Variants in NECAB1 observed in about 807,000 individuals in gnomAD.
NECAB1 encodes the protein N-terminal EF-hand calcium-binding protein 1.
A neutral mutation model predicts 57.5 loss-of-function variants in NECAB1; 29 were observed. The observed-to-expected ratio is 0.50, with a 90% CI of 0.38 to 0.69. The LOEUF is 0.69. Ranked by LOEUF, NECAB1 falls within the 30% of genes least tolerant of loss-of-function variation. The pLI is 0.00. For missense variants in NECAB1, 372 were observed against 413.8 expected (o/e 0.90, Z 0.88); for synonymous variants, 142 against 147.7 (o/e 0.96, Z 0.28).
intron 3 of NECAB1, among the ~76,000 whole-genome samples, chr8:90,826,767 G>A (rs1194543221): frequency 6.6e-6 from 1 of 151,590 alleles, no homozygotes; most frequent in African/African-American, 2.4e-5. Flanking sequence ...AATAGATCTT[G>A]TTAGCCTGTT....
At chr8:90,924,444 A>G (rs760872637) in intron 6 of NECAB1, among the ~76,000 whole-genome samples, 6 of 152,188 alleles carry the variant, frequency 3.9e-5, no homozygotes, top group African/African-American at 1.4e-4. Context: ...TAGCTGATAG[A>G]TAATGAAAAT....
At chr8:90,872,102 T>A in intron 3 of NECAB1, 26 bp from the exon 4 acceptor site, 3 of 1,523,768 alleles carry the variant, frequency 2.0e-6, no homozygotes, top group Non-Finnish European at 2.7e-6. Context: ...GTAATAACAC[T>A]GTTTTTTTTT....
At position 90,842,104 on chromosome 8, in the gene NECAB1, G is replaced by A. The variant is rs186585852; in HGVS notation, c.233+17279G>A. Among the ~76,000 whole-genome samples, 216 of 152,266 alleles carry A rather than the reference G, an allele frequency of 1.4e-3. 1 individual carries two copies. Among genetic ancestry groups the A allele is most frequent in the African/African-American group, 5.1e-3 (211 of 41,542 alleles). On this transcript the variant is annotated intron_variant, in intron 3 of 12. Transcript: ENST00000417640. ...TGGATGCTGGGCTTAATGCCTGGGT[G>A]ATGGGATAATTGGTGCAGTAAACCA...
intron 4 of NECAB1, among the ~76,000 whole-genome samples, chr8:90,879,037 ATTT>A (rs1563514660): frequency 1.4e-5 from 2 of 141,564 alleles, no homozygotes; most frequent in Non-Finnish European, 3.0e-5. Context: ...TATATTTATT[ATTT>A]ATTATTTATA....
chr8:90,913,974 T>C (rs1809890867), intron 5 of NECAB1, among the ~76,000 whole-genome samples: 1 of 152,184 alleles, frequency 6.6e-6, no homozygotes. Context: ...CGGGTGGTAA[T>C]GTCTACAACC....
At position 90,797,905 on chromosome 8, in the gene NECAB1, G is replaced by A. The variant is rs563448134; in HGVS notation, c.100-3786G>A. The stretch of plus-strand genomic sequence containing the variant: ...CTGAAAACTACTTTCCTGGGTGTTG[G>A]TTCTTTCCAGGTTATATATTGTATT... On this transcript the variant is annotated intron_variant, in intron 1 of 12. Coordinates refer to ENST00000417640, the MANE Select transcript of NECAB1 (RefSeq NM_022351.5). Among the ~76,000 whole-genome samples the A allele has an allele frequency of 5.9e-5, 9 of 152,262 alleles. No individual in the cohort carries two copies. The East Asian group carries it at 1.5e-3, about 26-fold the overall frequency.
At chr8:90,855,310 C>G (rs899907572) in intron 3 of NECAB1, among the ~76,000 whole-genome samples, 11 of 152,146 alleles carry the variant, frequency 7.2e-5, no homozygotes, top group Non-Finnish European at 1.6e-4. Flanking sequence ...TAAGGAATAG[C>G]CTTTCTGGGA....
intron 8 of NECAB1, among the ~76,000 whole-genome samples, chr8:90,933,565 G>C (rs1174707524): frequency 7.2e-5 from 11 of 151,988 alleles, no homozygotes; most frequent in Admixed American, 7.2e-4. Context: ...GTAGACTTTG[G>C]GGACTCAGGA....
At chr8:90,907,149 TGTGAGAGAGA>T (rs1239413144) in intron 5 of NECAB1, among the ~76,000 whole-genome samples, 4 of 107,192 alleles carry the variant, frequency 3.7e-5, no homozygotes, top group Admixed American at 1.0e-4. Flanking sequence ...TGTGTGTGTG[TGTGAGAGAGA>T]GAGAGAGAGA....
chr8:90,801,751 C>G (rs1427590123), intron 2 of NECAB1, 36 bp downstream of exon 2: 8 of 1,359,710 alleles, frequency 5.9e-6, no homozygotes, highest in African/African-American at 1.5e-5. Context: ...ATTTATTAAT[C>G]TCTTACATTT....
chr8:90,888,267 T>C (rs772091829), intron 5 of NECAB1, among the ~76,000 whole-genome samples: 1 of 152,210 alleles, frequency 6.6e-6, no homozygotes, highest in Non-Finnish European at 1.5e-5. Context: ...CACTGTTCTA[T>C]TTAAAAAGAA....
chr8:90,957,039 T>C lies in NECAB1; in HGVS notation c.*1527T>C, dbSNP rs1811045820. 1 of 151,346 alleles carries C rather than the reference T, an allele frequency of 6.6e-6. No homozygotes were observed. The highest frequency in any genetic ancestry group is 2.1e-4 in the South Asian group (1 of 4,800). 9.4% of individuals were successfully genotyped at this position (151,346 alleles called of 1,614,324 possible). A position where few individuals can be genotyped will look rare whatever the true frequency, so the allele number is the denominator to read the frequency against. On this transcript the variant is annotated 3_prime_UTR_variant, in exon 13 of 13. Transcript: ENST00000417640. ...ATGACAGACACTGTGTAACAACACCTGGGTCAACTCTTTTAATTTATATAC... is the reference window on the plus strand; with the variant it reads ...ATGACAGACACTGTGTAACAACACCCGGGTCAACTCTTTTAATTTATATAC...
At chr8:90,808,935 G>A (rs560010891) in intron 2 of NECAB1, among the ~76,000 whole-genome samples, 1 of 152,070 alleles carries the variant, frequency 6.6e-6, no homozygotes, top group Non-Finnish European at 1.5e-5. Context: ...GTGAGCCACC[G>A]CGCCCGGCCT....
intron 3 of NECAB1, among the ~76,000 whole-genome samples, chr8:90,825,728 A>C (rs1053734856): frequency 2.6e-5 from 4 of 151,908 alleles, no homozygotes; most frequent in African/African-American, 9.7e-5. Context: ...AATTCACTTT[A>C]CTCAAGCTGT....
At chr8:90,863,094 AC>A (rs1456447950) in intron 3 of NECAB1, among the ~76,000 whole-genome samples, 7 of 152,060 alleles carry the variant, frequency 4.6e-5, no homozygotes, top group African/African-American at 1.4e-4. Flanking sequence ...AAAACCCAAT[AC>A]TGATTTGAAA....
chr8:90,917,886 GTA>G (rs777688836), intron 6 of NECAB1, among the ~76,000 whole-genome samples: 1 of 91,038 alleles, frequency 1.1e-5, no homozygotes, highest in African/African-American at 4.1e-5. Flanking sequence ...GTGTGTGCGT[GTA>G]TATATATGTC....
chr8:90,843,206 C>T (rs1474484050), intron 3 of NECAB1, among the ~76,000 whole-genome samples: 2 of 152,152 alleles, frequency 1.3e-5, no homozygotes, highest in East Asian at 1.9e-4. Flanking sequence ...CCCCGTGATT[C>T]GATTACCTCC....
intron 5 of NECAB1, among the ~76,000 whole-genome samples, chr8:90,896,632 C>CA (rs754656720): frequency 0.043 from 6,452 of 151,434 alleles, 227 homozygotes; most frequent in Non-Finnish European, 0.061. Flanking sequence ...AAAACAAAAA[C>CA]AAAAAAAACA....
At position 90,792,826 on chromosome 8, in the gene NECAB1, A is replaced by AT. The variant is rs537690272; in HGVS notation, c.99+846dup. Among the ~76,000 whole-genome samples the AT allele has an allele frequency of 4.0e-5, 6 of 150,350 alleles. No individual in the cohort carries two copies. In the South Asian group the frequency reaches 8.4e-4, roughly 21 times the overall value. On this transcript the variant is annotated intron_variant, in intron 1 of 12. Coordinates refer to ENST00000417640, the MANE Select transcript of NECAB1 (RefSeq NM_022351.5). ...CCTGCCTGCTGTTTCTGTTTTCTCT[A>AT]TTTTTCCGTCTGTTGCCTATCTCTT... is the stretch of plus-strand genomic sequence containing the variant.
Sources: allele counts gnomAD v4.1 joint callset (sites outside exome capture counted in the v4.1 genomes callset), GRCh38; gene constraint gnomAD v4.1.1; transcripts MANE v1.5; gene names NCBI Gene and HGNC (gene_info 2026-07-23, HGNC 2026-07-21).